ADH1A: variants seen among roughly 807,000 people sequenced by gnomAD.
ADH1A encodes alcohol dehydrogenase 1A.
Under a neutral mutation model 35.2 loss-of-function variants are expected in ADH1A, and 29 were observed. The ratio of observed to expected loss-of-function variants is 0.82; its 90% confidence interval spans 0.61 to 1.12. The LOEUF is 1.12. Among genes scored for constraint, ADH1A ranks in the 50% most tolerant of loss-of-function variants. The pLI, the probability that ADH1A is intolerant of heterozygous loss-of-function variation, is 0.00. For missense variants in ADH1A, 469 were observed against 464.7 expected (o/e 1.01, Z -0.09); for synonymous variants, 147 against 164.8 (o/e 0.89, Z 0.83).
chr4:99,290,959 G>C lies in ADH1A; in HGVS notation c.-45C>G. ...CAGACCAGGAGACTGGTGAGTCCTT[G>C]TGGATTTCTTCCCTGCTCAAGTGCA... On this transcript the variant is annotated 5_prime_UTR_variant, in exon 1 of 9. Transcript: ENST00000209668. 6.2e-7 allele frequency: 1 copy of C among 1,611,186 alleles called. No homozygotes were observed. Among genetic ancestry groups the C allele is most frequent in the Non-Finnish European group, 8.5e-7 (1 of 1,177,472 alleles).
chr4:99,282,562 G>A lies in ADH1A; in HGVS notation c.612C>T (p.Val204=), dbSNP rs1733034895. The change falls in exon 6 of 9, where the codon GTC becomes GTT. Residue 204 remains valine (V), a synonymous_variant. Transcript: ENST00000209668. ...STCAVFGLGG[V]GLSAIMGCKA... is the part of the protein sequence containing the mutation. Reference sequence around the variant, plus strand: ...TACAGCCCATAATAGCAGATAGGCCGACCCCTCCCAGGCCAAACACAGCAC... The same window carrying A: ...TACAGCCCATAATAGCAGATAGGCCAACCCCTCCCAGGCCAAACACAGCAC... 2.5e-6 allele frequency: 4 copies of A among 1,614,162 alleles called. No individual in the cohort carries two copies. The highest frequency in any genetic ancestry group is 1.7e-6 in the Non-Finnish European group (2 of 1,180,012).
intron 8 of ADH1A, among the ~76,000 whole-genome samples, chr4:99,278,877 T>C (rs1732928551): frequency 1.3e-5 from 2 of 152,244 alleles, no homozygotes; most frequent in Admixed American, 1.3e-4. Flanking sequence ...AGTATACTTC[T>C]CTTTTATAAT....
intron 8 of ADH1A, among the ~76,000 whole-genome samples, chr4:99,277,430 G>A (rs1484715651): frequency 6.6e-6 from 1 of 151,810 alleles, no homozygotes; most frequent in Admixed American, 6.6e-5. Context: ...GAAAATGATG[G>A]TCTTTGTGAC....
intron 3 of ADH1A, 74 bp from the exon 4 acceptor site, chr4:99,284,877 T>C: frequency 7.6e-7 from 1 of 1,308,012 alleles, no homozygotes; most frequent in Non-Finnish European, 1.1e-6. Flanking sequence ...AAAGCTCACA[T>C]GTCTTTAAAA....
chr4:99,290,664 AT>A (rs1240769119), intron 1 of ADH1A, among the ~76,000 whole-genome samples: 2 of 152,234 alleles, frequency 1.3e-5, no homozygotes, highest in African/African-American at 4.8e-5. Flanking sequence ...AATGTGGGAA[AT>A]AAACACTTCA....
At position 99,279,555 on chromosome 4, in the gene ADH1A, CT is replaced by C. The variant is rs764121999; in HGVS notation, c.973del (p.Ser325ValfsTer22). On this transcript the variant is annotated frameshift_variant, in exon 8 of 9. Coordinates refer to ENST00000209668, the MANE Select transcript of ADH1A (RefSeq NM_000667.4). LOFTEE classifies it high-confidence loss of function. ...WKGAILGGFK[S>X]KECVPKLVAD... Reference sequence around the variant, plus strand: ...CACAAGTTTTGGGACACATTCTTTACTTTTAAAGCCTGAAAAGAAGATGGTA... The same window carrying C: ...CACAAGTTTTGGGACACATTCTTTACTTTAAAGCCTGAAAAGAAGATGGTA... 13 of 1,608,060 alleles carry C rather than the reference CT, an allele frequency of 8.1e-6. No individual in the cohort carries two copies. The highest frequency in any genetic ancestry group is 1.7e-5 in the Admixed American group (1 of 58,828).
intron 3 of ADH1A, 172 bp downstream of exon 3, chr4:99,286,678 A>G: frequency 9.2e-7 from 1 of 1,092,376 alleles, no homozygotes; most frequent in Non-Finnish European, 1.3e-6. Flanking sequence ...GTGCCTAAAG[A>G]CATACATGCT....
chr4:99,290,877 G>A lies in ADH1A; in HGVS notation c.18+20C>T. 1 of 1,609,796 alleles carries A rather than the reference G, an allele frequency of 6.2e-7. No homozygotes were observed. On this transcript the variant is annotated intron_variant, in intron 1 of 8. Coordinates refer to ENST00000209668, the MANE Select transcript of ADH1A (RefSeq NM_000667.4). ...TATTGATGAGAATATAGTTCCAACA[G>A]TAATATATTTTTTGCTTACTTTTCC...
In ADH1A at chr4:99,282,363, C is replaced by T. The variant is rs755421713; in HGVS notation, c.811G>A (p.Gly271Ser). 2.0e-5 allele frequency: 33 copies of T among 1,614,044 alleles called. No individual in the cohort carries two copies. In the East Asian group the frequency reaches 2.2e-4, roughly 11 times the overall value. ...GGVDFSFEVI[G>S]RLDTMMASLL... ...GTACATACCATGGTGTCAAGCCGAC[C>T]GATGACTTCAAATGAAAAATCCACA... The change falls in exon 6 of 9, where the codon GGT (glycine) becomes AGT (serine). Residue 271 changes from glycine to serine, a missense_variant. Physicochemically the swap from Gly to Ser is moderately conservative, Grantham distance 56. Transcript: ENST00000209668.
intron 3 of ADH1A, among the ~76,000 whole-genome samples, chr4:99,286,368 CTGCA>C (rs1474353875): frequency 6.6e-6 from 1 of 152,148 alleles, no homozygotes; most frequent in Non-Finnish European, 1.5e-5. Context: ...GGTGAAGGGG[CTGCA>C]TAGGTCACCT....
chr4:99,285,914 C>A (rs1049740381), intron 3 of ADH1A, among the ~76,000 whole-genome samples: 1 of 148,904 alleles, frequency 6.7e-6, no homozygotes, highest in Non-Finnish European at 1.5e-5. Flanking sequence ...CCCAGATACC[C>A]GGTAGGCTGA....
rs772361611 is a variant in ADH1A at position 99,284,413 on chromosome 4, CT to C, written c.552del (p.Val185SerfsTer71). On this transcript the variant is annotated frameshift_variant, in exon 5 of 9. Transcript: ENST00000209668. LOFTEE classifies it high-confidence loss of function. Reference protein sequence around the residue: ...GCGFSTGYGSAVNVAKVTPGS... With the variant: ...GCGFSTGYGSXVNVAKVTPGS... ...GCCATTCTTACCTTGGCAACATTGA[CT>C]GCAGACCCATAACCAGTTGAAAATC... 7 of 1,614,174 alleles carry C rather than the reference CT, an allele frequency of 4.3e-6. No homozygotes were observed. The highest frequency in any genetic ancestry group is 2.2e-5 in the East Asian group (1 of 44,876).
chr4:99,280,209 T>G lies in ADH1A; in HGVS notation c.899A>C (p.Gln300Pro). The change falls in exon 7 of 9, where the codon CAA becomes CCA. Residue 300 changes from glutamine (Q) to proline (P), a missense_variant. Transcript: ENST00000209668. ...SVIVGVPPDSQNLSMNPMLLL... is the reference protein window; with the variant it reads ...SVIVGVPPDSPNLSMNPMLLL... ...CAGCATAGGGTTCATTGAGAGGTTT[T>G]GGGAATCAGGAGGTACCCCTACGAT... 1 of 1,613,936 alleles carries G rather than the reference T, an allele frequency of 6.2e-7. No individual in the cohort carries two copies. The highest frequency in any genetic ancestry group is 8.5e-7 in the Non-Finnish European group (1 of 1,179,890).
chr4:99,284,743 G>A lies in ADH1A; in HGVS notation c.320C>T (p.Pro107Leu), dbSNP rs781658187. 10 of 1,614,142 alleles carry A rather than the reference G, an allele frequency of 6.2e-6. No homozygotes were observed. Among genetic ancestry groups the A allele is most frequent in the Non-Finnish European group, 8.5e-6 (10 of 1,180,006 alleles). Residue 107 changes from proline (P) to leucine (L), a missense_variant, in exon 4 of 9, where the codon CCG (proline) becomes CTG (leucine). Physicochemically the swap from Pro to Leu is moderately conservative, Grantham distance 98. Transcript: ENST00000209668. ...GTTTTTCAAGCAGTAGTTGCTCTCC[G>A]GGTTTTTACAAATTCTGCATTTTCC... ...QCGKCRICKN[P>L]ESNYCLKNDV...
chr4:99,288,820 T>G (rs1408045813), intron 1 of ADH1A: 2 of 152,312 alleles, frequency 1.3e-5, no homozygotes, highest in Non-Finnish European at 2.9e-5. Flanking sequence ...TTATAAAATT[T>G]ATTTTTAATT....
At chr4:99,288,052 G>C (rs1161300859) in intron 1 of ADH1A, among the ~76,000 whole-genome samples, 1 of 152,200 alleles carries the variant, frequency 6.6e-6, no homozygotes, top group Non-Finnish European at 1.5e-5. Flanking sequence ...GACAGAGTCA[G>C]TGTCTGTTCA....
intron 1 of ADH1A, 58 bp downstream of exon 1, chr4:99,290,839 A>T: frequency 6.6e-7 from 1 of 1,518,688 alleles, no homozygotes; most frequent in Non-Finnish European, 9.1e-7. Context: ...ATACTGTATT[A>T]CTTTCTTTGT....
chr4:99,283,277 C>G (rs1733050730), intron 5 of ADH1A, among the ~76,000 whole-genome samples: 1 of 152,260 alleles, frequency 6.6e-6, no homozygotes, highest in South Asian at 2.1e-4. Flanking sequence ...CTTAGATCAC[C>G]TGTTAAAATA....
At chr4:99,284,119 T>A (rs965568336) in intron 5 of ADH1A, among the ~76,000 whole-genome samples, 1 of 151,762 alleles carries the variant, frequency 6.6e-6, no homozygotes, top group African/African-American at 2.4e-5. Flanking sequence ...ACTAAATGAG[T>A]TCTCAGGCCT....
Sources: allele counts gnomAD v4.1 joint callset (sites outside exome capture counted in the v4.1 genomes callset), GRCh38; gene constraint gnomAD v4.1.1; transcripts MANE v1.5; gene names NCBI Gene and HGNC (gene_info 2026-07-23, HGNC 2026-07-21).